The following KIAA0586 variants were observed in gnomAD, a reference collection of about 807,000 sequenced individuals.
The protein encoded by KIAA0586 is KIAA0586.
KIAA0586 carries 144 observed loss-of-function variants against 169.8 expected under a neutral mutation model. The ratio of observed to expected loss-of-function variants is 0.85; its 90% CI spans 0.74 to 0.97. KIAA0586 has a LOEUF of 0.97. Among genes scored for constraint, KIAA0586 ranks in the 50% least tolerant of loss-of-function variants. The pLI is 0.00. For missense variants in KIAA0586, 1,854 were observed against 1,823.0 expected (o/e 1.02, Z -0.31); for synonymous variants, 625 against 612.4 (o/e 1.02, Z -0.30).
intron 22 of KIAA0586, among the ~76,000 whole-genome samples, chr14:58,487,511 TAGA>T (rs1484455972): frequency 6.6e-6 from 1 of 151,038 alleles, no homozygotes; most frequent in African/African-American, 2.4e-5. Flanking sequence ...GAGGCTGAGG[TAGA>T]AGAATTGCTT....
intron 28 of KIAA0586, among the ~76,000 whole-genome samples, chr14:58,510,149 T>A (rs900113001): frequency 6.6e-6 from 1 of 152,152 alleles, no homozygotes; most frequent in Admixed American, 6.5e-5. Context: ...GGCAGGTGGA[T>A]CACGAGGTCA....
chr14:58,497,932 C>T (rs1004352736), intron 26 of KIAA0586, among the ~76,000 whole-genome samples: 1 of 143,304 alleles, frequency 7.0e-6, no homozygotes, highest in African/African-American at 2.6e-5. Flanking sequence ...GGCTGGAGTG[C>T]AGTGGTGCAA....
chr14:58,520,269 G>T (rs1383288779), intron 29 of KIAA0586, among the ~76,000 whole-genome samples: 2 of 152,050 alleles, frequency 1.3e-5, no homozygotes, highest in Admixed American at 1.3e-4. Flanking sequence ...AAAAGTTGCT[G>T]AATTACCATC....
At chr14:58,499,925 T>G (rs1244939260) in intron 27 of KIAA0586, among the ~76,000 whole-genome samples, 1 of 152,208 alleles carries the variant, frequency 6.6e-6, no homozygotes, top group Non-Finnish European at 1.5e-5. Flanking sequence ...TAACAGATCT[T>G]TAGGACAAGG....
chr14:58,517,367 A>G (rs1296241810), intron 29 of KIAA0586, among the ~76,000 whole-genome samples: 2 of 152,236 alleles, frequency 1.3e-5, no homozygotes, highest in African/African-American at 2.4e-5. Context: ...AAATAAGCAC[A>G]TGGAAAATTG....
chr14:58,496,108 T>C (rs539245075), intron 26 of KIAA0586, among the ~76,000 whole-genome samples: 2 of 152,350 alleles, frequency 1.3e-5, no homozygotes, highest in South Asian at 4.1e-4. Flanking sequence ...CTTTTCTTTG[T>C]GCTTGAAACT....
chr14:58,464,201 C>T (rs550535071), intron 14 of KIAA0586: 8 of 325,778 alleles, frequency 2.5e-5, no homozygotes, highest in Admixed American at 8.4e-5. Flanking sequence ...GAATCTGGAA[C>T]ATCATTTTTC....
rs1349115247 is a variant in KIAA0586, at chr14:58,488,053, G to C, written c.3471G>C (p.Leu1157=). ...ELPKPWGDGD[L]PLEEENPNSP... ...CCAAGCCATGGGGTGATGGAGACCT[G>C]CCACTGGAAGAAGAGAACCCTAACT... Residue 1157 remains leucine (L), a synonymous_variant, in exon 23 of 31, where the codon CTG becomes CTC. Transcript: ENST00000652326. 2 of 1,610,400 alleles carry C rather than the reference G, an allele frequency of 1.2e-6. No individual in the cohort carries two copies. Among genetic ancestry groups the C allele is most frequent in the Non-Finnish European group, 1.7e-6 (2 of 1,178,374 alleles).
At chr14:58,505,585 T>G (rs1290970568) in intron 27 of KIAA0586, among the ~76,000 whole-genome samples, 1 of 152,204 alleles carries the variant, frequency 6.6e-6, no homozygotes. Flanking sequence ...TTATCGGCAA[T>G]TTATTAGTGC....
chr14:58,476,977 A>T, intron 19 of KIAA0586, 146 bp from the exon 20 acceptor site: 1 of 549,200 alleles, frequency 1.8e-6, no homozygotes, highest in Non-Finnish European at 3.3e-6. Context: ...TTTTTCTTCT[A>T]GATTTAACTT....
chr14:58,561,786 A>T, the KIAA0586 span, among the ~76,000 whole-genome samples: 1 of 152,102 alleles, frequency 6.6e-6, no homozygotes, highest in African/African-American at 2.4e-5. Flanking sequence ...TTCCTGTTTC[A>T]TGGGAGTCTT....
At chr14:58,434,028 A>G (rs1023786913) in intron 4 of KIAA0586, among the ~76,000 whole-genome samples, 1 of 152,170 alleles carries the variant, frequency 6.6e-6, no homozygotes, top group African/African-American at 2.4e-5. Context: ...AGACAGACAG[A>G]CAGATGCTGA....
chr14:58,491,678 A>G (rs1376906782), intron 25 of KIAA0586, among the ~76,000 whole-genome samples: 3 of 152,226 alleles, frequency 2.0e-5, no homozygotes, highest in Non-Finnish European at 4.4e-5. Context: ...GCAAAGGGAC[A>G]TTGAGGTCTA....
chr14:58,499,802 G>T (rs2043429212), intron 27 of KIAA0586, among the ~76,000 whole-genome samples: 1 of 151,860 alleles, frequency 6.6e-6, no homozygotes, highest in South Asian at 2.1e-4. Flanking sequence ...CAGGTGATCT[G>T]CCCACCTTGG....
Position 58,549,995 on chromosome 14 carries a change from G to T in KIAA0586, c.*2063G>T, listed in dbSNP as rs543515527. 6.6e-6 allele frequency: 1 copy of T among 151,436 alleles called. No individual in the cohort carries two copies. Among genetic ancestry groups the T allele is most frequent in the Admixed American group, 6.6e-5 (1 of 15,208 alleles). The allele number at this position is 151,436 out of a possible 1,614,324, so 9.4% of individuals were successfully genotyped here. Reference sequence around the variant, plus strand: ...TTTTAAAAAAAATTAGTGTCCATTCGACGGTTTCTTTTTTTTTTTTTTGAG... The same window carrying T: ...TTTTAAAAAAAATTAGTGTCCATTCTACGGTTTCTTTTTTTTTTTTTTGAG... On this transcript the variant is annotated 3_prime_UTR_variant, in exon 31 of 31. Transcript: ENST00000652326.
chr14:58,540,346 G>T (rs186513595), intron 30 of KIAA0586, among the ~76,000 whole-genome samples: 5 of 152,140 alleles, frequency 3.3e-5, no homozygotes, highest in African/African-American at 7.2e-5. Flanking sequence ...CTATCGTTTC[G>T]CTTTGGAAAG....
Position 58,487,109 on chromosome 14 carries a change from C to T in KIAA0586, c.3247C>T (p.Pro1083Ser), listed in dbSNP as rs373431045. Residue 1083 changes from proline to serine, a missense_variant, in exon 22 of 31, where the codon CCC (proline) becomes TCC (serine). Physicochemically the swap from Pro to Ser is moderately conservative, Grantham distance 74. Coordinates refer to ENST00000652326, the MANE Select transcript of KIAA0586 (RefSeq NM_001329943.3). ...TTTGGTAAAGACTCCAGATTCTTCT[C>T]CCTGTGATTCGGATCATGATATGGC... The part of the protein sequence containing the change: ...CVLVKTPDSS[P>S]CDSDHDMAFP... The T allele has an allele frequency of 5.0e-6, 8 of 1,613,696 alleles. No individual in the cohort carries two copies. Among genetic ancestry groups the T allele is most frequent in the Admixed American group, 1.7e-5 (1 of 60,020 alleles).
intron 13 of KIAA0586, 111 bp downstream of exon 13, chr14:58,460,181 T>A: frequency 1.5e-6 from 1 of 649,796 alleles, no homozygotes; most frequent in Non-Finnish European, 2.6e-6. Context: ...TATGAAGGAC[T>A]ATACAAATGT....
rs2042836981 is a variant in KIAA0586 at position 58,491,596 on chromosome 14, C to T, written c.3859-548C>T. 2.0e-5 allele frequency among the ~76,000 whole-genome samples: 3 copies of T among 152,184 alleles called. No individual in the cohort carries two copies. The South Asian group carries it at 6.2e-4, about 31-fold the overall frequency. ...GGCCTATTTTGAGGCATGAGGAAGCCTATACAGGGTGCTCCAGTGAGGGTC... is the reference window on the plus strand; with the variant it reads ...GGCCTATTTTGAGGCATGAGGAAGCTTATACAGGGTGCTCCAGTGAGGGTC... On this transcript the variant is annotated intron_variant, in intron 25 of 30. Transcript: ENST00000652326.
Sources: allele counts gnomAD v4.1 joint callset (sites outside exome capture counted in the v4.1 genomes callset), GRCh38; gene constraint gnomAD v4.1.1; transcripts MANE v1.5; gene names NCBI Gene and HGNC (gene_info 2026-07-23, HGNC 2026-07-21).